Variants in SGCZ observed in about 807,000 individuals in gnomAD.
The protein encoded by SGCZ is sarcoglycan zeta.
Under a neutral mutation model 41.3 loss-of-function variants are expected in SGCZ, and 40 were observed. That is an observed-to-expected ratio of 0.97 (90% CI 0.75 to 1.26). The LOEUF (loss-of-function observed/expected upper bound fraction) is 1.26. SGCZ is among the 50% of genes most tolerant of loss of function. The pLI is 0.00. For synonymous variants in SGCZ, 206 were observed against 137.5 expected (o/e 1.50, Z -3.49); for missense variants, 552 against 369.8 (o/e 1.49, Z -4.04).
At chr8:14,296,527 T>A (rs1279507678) in intron 3 of SGCZ, among the ~76,000 whole-genome samples, 1 of 152,184 alleles carries the variant, frequency 6.6e-6, no homozygotes, top group Non-Finnish European at 1.5e-5. Context: ...TAATAGAATT[T>A]GTGGGTTTAA....
At chr8:14,854,459 A>G (rs1563317212) in intron 1 of SGCZ, among the ~76,000 whole-genome samples, 1 of 152,156 alleles carries the variant, frequency 6.6e-6, no homozygotes, top group Admixed American at 6.6e-5. Flanking sequence ...TATTTTTACA[A>G]TAAATACTGT....
intron 1 of SGCZ, among the ~76,000 whole-genome samples, chr8:14,983,634 C>T (rs1311270215): frequency 6.6e-6 from 1 of 152,078 alleles, no homozygotes; most frequent in Admixed American, 6.6e-5. Flanking sequence ...TGTGAGCCAC[C>T]GTGCCCAGCC....
intron 1 of SGCZ, among the ~76,000 whole-genome samples, chr8:15,062,778 C>T (rs1804984345): frequency 6.6e-6 from 1 of 152,114 alleles, no homozygotes; most frequent in Admixed American, 6.6e-5. Flanking sequence ...ATTTGTTAAA[C>T]CCTTTTTACA....
At chr8:14,254,310 T>A (rs1405635566) in intron 3 of SGCZ, among the ~76,000 whole-genome samples, 1 of 152,206 alleles carries the variant, frequency 6.6e-6, no homozygotes, top group African/African-American at 2.4e-5. Context: ...AATACTAGCA[T>A]TTGATCTTCG....
At position 14,312,643 on chromosome 8, in the gene SGCZ, AGAAGAG is replaced by A. The variant is rs199965823; in HGVS notation, c.336+11454_336+11459del. Among the ~76,000 whole-genome samples, 25 of 152,108 alleles carry A rather than the reference AGAAGAG, an allele frequency of 1.6e-4. No homozygotes were observed. In the South Asian group the frequency reaches 1.9e-3, roughly 11 times the overall value. ...AGACTCTGTCTCCACAGAAAGAAGA[AGAAGAG>A]GAAGAGGAAGAGGAGGAGGAAGAGG... is the stretch of plus-strand genomic sequence containing the variant. On this transcript the variant is annotated intron_variant, in intron 3 of 7. Coordinates refer to ENST00000382080, the MANE Select transcript of SGCZ (RefSeq NM_139167.4).
chr8:14,650,673 T>A (rs1026698255), intron 1 of SGCZ, among the ~76,000 whole-genome samples: 3 of 152,024 alleles, frequency 2.0e-5, no homozygotes, highest in African/African-American at 7.3e-5. Flanking sequence ...TGAGAGTGAT[T>A]AGTAAAACTA....
intron 2 of SGCZ, among the ~76,000 whole-genome samples, chr8:14,479,273 G>A (rs1488649591): frequency 6.4e-5 from 5 of 78,056 alleles, no homozygotes; most frequent in South Asian, 6.9e-4. Flanking sequence ...AAAAACTGAA[G>A]AACTTGCAGT....
intron 1 of SGCZ, among the ~76,000 whole-genome samples, chr8:15,227,690 G>A (rs1308482725): frequency 1.3e-5 from 2 of 152,102 alleles, no homozygotes; most frequent in African/African-American, 2.4e-5. Flanking sequence ...TCGTCAATAA[G>A]ACAACGGGAA....
At chr8:14,999,751 T>C (rs1353800564) in intron 1 of SGCZ, among the ~76,000 whole-genome samples, 1 of 152,132 alleles carries the variant, frequency 6.6e-6, no homozygotes, top group Non-Finnish European at 1.5e-5. Context: ...TCAATTCATT[T>C]AAAAAAGCTA....
At chr8:15,233,343 A>G (rs1186035576) in intron 1 of SGCZ, among the ~76,000 whole-genome samples, 1 of 151,264 alleles carries the variant, frequency 6.6e-6, no homozygotes, top group Non-Finnish European at 1.5e-5. Flanking sequence ...AAAAAAAAAA[A>G]AAGAAAGAAA....
intron 3 of SGCZ, among the ~76,000 whole-genome samples, chr8:14,254,518 A>G (rs1006199902): frequency 6.6e-6 from 1 of 152,190 alleles, no homozygotes; most frequent in South Asian, 2.1e-4. Flanking sequence ...AAATGAATGA[A>G]TAGTGTTAAA....
intron 2 of SGCZ, among the ~76,000 whole-genome samples, chr8:14,517,730 A>G (rs972353875): frequency 4.0e-5 from 6 of 151,892 alleles, no homozygotes; most frequent in South Asian, 2.1e-4. Context: ...AATATTTTCA[A>G]TTTTGACCAT....
intron 1 of SGCZ, among the ~76,000 whole-genome samples, chr8:14,710,289 G>T (rs1002878008): frequency 6.7e-6 from 1 of 148,414 alleles, no homozygotes; most frequent in African/African-American, 2.5e-5. Context: ...GGAATGGAGT[G>T]AACCCGGCAG....
At chr8:14,916,812 C>G (rs1799451501) in intron 1 of SGCZ, among the ~76,000 whole-genome samples, 1 of 151,896 alleles carries the variant, frequency 6.6e-6, no homozygotes, top group Non-Finnish European at 1.5e-5. Context: ...TAAATAGAGC[C>G]AAGGATTCAG....
intron 1 of SGCZ, among the ~76,000 whole-genome samples, chr8:14,645,800 T>C (rs758191288): frequency 6.6e-6 from 1 of 151,788 alleles, no homozygotes; most frequent in Non-Finnish European, 1.5e-5. Context: ...TCATTAACAA[T>C]GTAAGCAAAT....
At chr8:15,107,362 C>A (rs181233208) in intron 1 of SGCZ, among the ~76,000 whole-genome samples, 4 of 152,218 alleles carry the variant, frequency 2.6e-5, no homozygotes, top group East Asian at 3.9e-4. Context: ...CTAGTAGGAA[C>A]TTTTTGGGTC....
chr8:14,238,514 T>C (rs1806849500), intron 3 of SGCZ, among the ~76,000 whole-genome samples: 1 of 152,198 alleles, frequency 6.6e-6, no homozygotes, highest in Non-Finnish European at 1.5e-5. Flanking sequence ...ACGTGTTGAC[T>C]TTTATTAGTA....
chr8:15,182,717 C>G (rs1800214677), intron 1 of SGCZ, among the ~76,000 whole-genome samples: 1 of 152,088 alleles, frequency 6.6e-6, no homozygotes, highest in Admixed American at 6.5e-5. Flanking sequence ...ACTTTATAAA[C>G]TAACTGTACA....
At chr8:14,653,093 T>C (rs1807455834) in intron 1 of SGCZ, among the ~76,000 whole-genome samples, 1 of 152,060 alleles carries the variant, frequency 6.6e-6, no homozygotes, top group Admixed American at 6.6e-5. Context: ...TATCTAGAAT[T>C]GGAATTTTAA....
Sources: allele counts gnomAD v4.1 joint callset (sites outside exome capture counted in the v4.1 genomes callset), GRCh38; gene constraint gnomAD v4.1.1; transcripts MANE v1.5; gene names NCBI Gene and HGNC (gene_info 2026-07-23, HGNC 2026-07-21).